The following RNFT2 variants were observed in gnomAD, a reference collection of about 807,000 sequenced individuals.
RNFT2 encodes E3 ubiquitin-protein ligase RNFT2.
In RNFT2, 36 loss-of-function variants were observed where a neutral mutation model predicts 53.0. The ratio of observed to expected loss-of-function variants is 0.68; its 90% CI spans 0.52 to 0.90. RNFT2 has a LOEUF of 0.90. Ranked by LOEUF, RNFT2 falls within the 40% of genes least tolerant of loss-of-function variation. The probability of loss-of-function intolerance (pLI) is 0.00; values close to 1 mark genes in which losing one functional copy is unlikely to be tolerated. For missense variants in RNFT2, 514 were observed against 585.6 expected (o/e 0.88, Z 1.26); for synonymous variants, 260 against 253.2 (o/e 1.03, Z -0.26).
intron 7 of RNFT2, among the ~76,000 whole-genome samples, chr12:116,824,355 C>T (rs1876211401): frequency 6.6e-6 from 1 of 152,142 alleles, no homozygotes; most frequent in Non-Finnish European, 1.5e-5. Context: ...CCTACTGAGT[C>T]CCAAACGCTT....
intron 6 of RNFT2, among the ~76,000 whole-genome samples, chr12:116,771,555 G>A (rs1194331328): frequency 5.0e-5 from 6 of 119,442 alleles, no homozygotes; most frequent in African/African-American, 1.5e-4. Flanking sequence ...TAATTTTTTT[G>A]TAATGGACAC....
chr12:116,841,720 CCTGGGTG>C (rs943177661), intron 10 of RNFT2, among the ~76,000 whole-genome samples: 1 of 142,422 alleles, frequency 7.0e-6, no homozygotes, highest in Non-Finnish European at 1.5e-5. Flanking sequence ...TGCACTCTAG[CCTGGGTG>C]ACAGAGCAAG....
intron 7 of RNFT2, among the ~76,000 whole-genome samples, chr12:116,816,673 G>A (rs889237059): frequency 3.3e-5 from 5 of 152,154 alleles, no homozygotes; most frequent in African/African-American, 1.2e-4. Context: ...TAGGCAAAAT[G>A]GTGAACTTCT....
intron 10 of RNFT2, among the ~76,000 whole-genome samples, chr12:116,840,595 C>G (rs1877200007): frequency 6.6e-6 from 1 of 152,182 alleles, no homozygotes; most frequent in Non-Finnish European, 1.5e-5. Context: ...TTCTTGACAC[C>G]TACCTCTGAC....
chr12:116,814,211 A>G (rs1464240912), intron 7 of RNFT2, among the ~76,000 whole-genome samples: 1 of 152,184 alleles, frequency 6.6e-6, no homozygotes, highest in African/African-American at 2.4e-5. Context: ...TCATCCACTG[A>G]ACCAGTATTT....
intron 10 of RNFT2, among the ~76,000 whole-genome samples, chr12:116,844,173 G>A (rs1179938174): frequency 2.0e-5 from 3 of 152,008 alleles, no homozygotes; most frequent in Non-Finnish European, 4.4e-5. Flanking sequence ...CTGCGAGGAG[G>A]TCATCACTCT....
intron 7 of RNFT2, among the ~76,000 whole-genome samples, chr12:116,805,757 A>AG (rs1875017747): frequency 6.6e-6 from 1 of 152,218 alleles, no homozygotes; most frequent in Non-Finnish European, 1.5e-5. Flanking sequence ...TACAGGCGTG[A>AG]GCCACGGTGC....
At chr12:116,820,833 G>A (rs1875974875) in intron 7 of RNFT2, among the ~76,000 whole-genome samples, 1 of 152,060 alleles carries the variant, frequency 6.6e-6, no homozygotes, top group Admixed American at 6.5e-5. Flanking sequence ...TCCATCTCCT[G>A]GGATTGTCAG....
chr12:116,743,770 A>G (rs1871760696), intron 3 of RNFT2, among the ~76,000 whole-genome samples: 1 of 152,120 alleles, frequency 6.6e-6, no homozygotes, highest in African/African-American at 2.4e-5. Flanking sequence ...CGGTCCCAGC[A>G]CTGGGACTGA....
rs1218177796 is a variant in RNFT2, at chr12:116,852,167, C to T, written c.*2719C>T. 1.7e-6 allele frequency: 2 copies of T among 1,147,612 alleles called. No individual in the cohort carries two copies. Among genetic ancestry groups the T allele is most frequent in the African/African-American group, 1.5e-5 (1 of 65,052 alleles). The allele number at this position is 1,147,612 out of a possible 1,614,324, so 71.1% of individuals were successfully genotyped here. Reference sequence around the variant, plus strand: ...CTATTCCTCCTCCCAAGTCTGTTCTCTTATTGTCAACCTCAGCACAACAGG... The same window carrying T: ...CTATTCCTCCTCCCAAGTCTGTTCTTTTATTGTCAACCTCAGCACAACAGG... On this transcript the variant is annotated 3_prime_UTR_variant, in exon 11 of 11. Transcript: ENST00000257575.
chr12:116,836,587 C>T (rs1316710973), intron 10 of RNFT2, among the ~76,000 whole-genome samples: 2 of 152,146 alleles, frequency 1.3e-5, no homozygotes, highest in East Asian at 1.9e-4. Flanking sequence ...CCCTGTGGGT[C>T]AGTCACTCTC....
chr12:116,779,456 C>T, intron 7 of RNFT2, 108 bp downstream of exon 7: 1 of 1,190,478 alleles, frequency 8.4e-7, no homozygotes, highest in East Asian at 2.5e-5. Flanking sequence ...CTGATGTCAG[C>T]ATATAAAATA....
In RNFT2 at chr12:116,826,305, C is replaced by T. The variant is rs200443875; in HGVS notation, c.883-7487C>T. 2.0e-5 allele frequency among the ~76,000 whole-genome samples: 3 copies of T among 152,012 alleles called. No individual in the cohort carries two copies. In the East Asian group the frequency reaches 5.8e-4, roughly 29 times the overall value. ...CCGCCTTCCCAACTTGACACTCCCACCCCCTTTATCTGAATCCAAGCAGAG... is the reference window on the plus strand; with the variant it reads ...CCGCCTTCCCAACTTGACACTCCCATCCCCTTTATCTGAATCCAAGCAGAG... On this transcript the variant is annotated intron_variant, in intron 7 of 10. Transcript: ENST00000257575.
intron 7 of RNFT2, among the ~76,000 whole-genome samples, chr12:116,821,243 T>C (rs1876003203): frequency 1.3e-5 from 2 of 151,798 alleles, no homozygotes; most frequent in Admixed American, 6.6e-5. Context: ...CCTTCCTTCC[T>C]GTGCTCTTCT....
intron 7 of RNFT2, among the ~76,000 whole-genome samples, chr12:116,821,400 C>G (rs1437942785): frequency 6.6e-6 from 1 of 152,236 alleles, no homozygotes; most frequent in African/African-American, 2.4e-5. Context: ...GCTCATTAGC[C>G]CAGCCCTTCA....
intron 7 of RNFT2, among the ~76,000 whole-genome samples, chr12:116,819,780 G>T (rs931852808): frequency 6.6e-6 from 1 of 152,114 alleles, no homozygotes; most frequent in Non-Finnish European, 1.5e-5. Flanking sequence ...ACTGTGGAGT[G>T]CCCTAATTAT....
chr12:116,794,646 A>AG (rs1555262128), intron 7 of RNFT2, among the ~76,000 whole-genome samples: 16 of 26,628 alleles, frequency 6.0e-4, no homozygotes, highest in East Asian at 2.8e-3. Context: ...AGGGGAGGGG[A>AG]GAAGGAAGGA....
intron 10 of RNFT2, among the ~76,000 whole-genome samples, chr12:116,841,251 A>G (rs1877232964): frequency 6.6e-6 from 1 of 152,170 alleles, no homozygotes; most frequent in Admixed American, 6.5e-5. Flanking sequence ...CAGAAGTTCA[A>G]GACCAGCCTA....
At chr12:116,830,132 C>A (rs145056283) in intron 7 of RNFT2, among the ~76,000 whole-genome samples, 1 of 152,034 alleles carries the variant, frequency 6.6e-6, no homozygotes, top group Non-Finnish European at 1.5e-5. Flanking sequence ...TCCCATATAC[C>A]CTTCATTCCT....
Sources: gnomAD v4.1 joint callset for allele counts (sites outside exome capture counted in the v4.1 genomes callset) on GRCh38, gnomAD v4.1.1 for gene constraint, MANE v1.5 for transcripts, NCBI Gene and HGNC (gene_info 2026-07-23, HGNC 2026-07-21) for gene names.